PRR13: variants seen among roughly 807,000 people sequenced by gnomAD.
The protein encoded by PRR13 is proline rich 13, also known as proline-rich protein 13.
PRR13 carries 7 observed loss-of-function variants against 11.5 expected under a neutral mutation model. The observed-to-expected ratio is 0.61, with a 90% CI of 0.34 to 1.14. The LOEUF (loss-of-function observed/expected upper bound fraction) is 1.14, where lower values mean the gene tolerates loss of function less well. PRR13 is among the 50% of genes most tolerant of loss of function. PRR13 has a pLI of 0.03. For synonymous variants in PRR13, 53 were observed against 67.8 expected (o/e 0.78, Z 1.07); for missense variants, 155 against 194.4 (o/e 0.80, Z 1.21).
chr12:53,442,592 A>T, intron 1 of PRR13, 103 bp from the exon 2 acceptor site: 1 of 966,130 alleles, frequency 1.0e-6, no homozygotes, highest in Non-Finnish European at 1.7e-6. Flanking sequence ...TCCAGGTAGG[A>T]GAGCCTACTG....
chr12:53,443,561 C>T lies in PRR13; in HGVS notation c.190C>T (p.Pro64Ser). The change falls in exon 3 of 4, where the codon CCA becomes TCA. Residue 64 changes from proline (P) to serine (S), a missense_variant. By Grantham distance (74) the Pro-to-Ser change is moderately conservative. Coordinates refer to ENST00000429243, the MANE Select transcript of PRR13 (RefSeq NM_018457.4). ...FPPGGPPHPV[P>S]QPGYPGCQPL... ...CCCAGGTGGGCCCCCTCATCCTGTG[C>T]CACAGCCAGGGTATCCAGGATGCCA... 1 of 1,598,260 alleles carries T rather than the reference C, an allele frequency of 6.3e-7. No individual in the cohort carries two copies. The highest frequency in any genetic ancestry group is 8.5e-7 in the Non-Finnish European group (1 of 1,171,030).
chr12:53,446,112 A>G lies in PRR13; in HGVS notation c.*53A>G, dbSNP rs1389495778. The G allele has an allele frequency of 1.1e-5, 17 of 1,610,196 alleles. No individual in the cohort carries two copies. The highest frequency in any genetic ancestry group is 1.1e-5 in the Non-Finnish European group (13 of 1,179,880). ...TCTCACCAGTTCTGCTCTCCCATCA[A>G]GCTTCAGATGCCATGTTGTACTGGG... On this transcript the variant is annotated 3_prime_UTR_variant, in exon 4 of 4. Transcript: ENST00000429243.
intron 3 of PRR13, among the ~76,000 whole-genome samples, chr12:53,444,431 G>A (rs1045658672): frequency 1.3e-5 from 2 of 150,092 alleles, no homozygotes; most frequent in African/African-American, 2.5e-5. Flanking sequence ...CCAGGTTCAC[G>A]CCATTCTCCT....
chr12:53,444,544 T>C (rs1478749571), intron 3 of PRR13, among the ~76,000 whole-genome samples: 1 of 152,214 alleles, frequency 6.6e-6, no homozygotes, highest in Admixed American at 6.5e-5. Flanking sequence ...TTAGCCAAGA[T>C]GGTCTCGATC....
chr12:53,442,779 G>A, intron 2 of PRR13, 46 bp downstream of exon 2: 1 of 1,575,864 alleles, frequency 6.3e-7, no homozygotes, highest in South Asian at 1.1e-5. Context: ...TTTTTCTGAT[G>A]GGCTCTATAA....
chr12:53,446,299 A>G lies in PRR13; in HGVS notation c.*240A>G, dbSNP rs1469619749. 5 of 493,862 alleles carry G rather than the reference A, an allele frequency of 1.0e-5. No individual in the cohort carries two copies. Among genetic ancestry groups the G allele is most frequent in the East Asian group, 7.1e-5 (2 of 28,202 alleles). The allele number at this position is 493,862 out of a possible 1,614,324, so 30.6% of individuals were successfully genotyped here. ...AGCTAATGAATTAGGCAGGGGAGCT[A>G]TTTTTTGAAGATGATGAACTAAATG... On this transcript the variant is annotated 3_prime_UTR_variant, in exon 4 of 4. Coordinates refer to ENST00000429243, the MANE Select transcript of PRR13 (RefSeq NM_018457.4).
intron 1 of PRR13, 112 bp downstream of exon 1, chr12:53,441,904 A>AG: frequency 2.9e-6 from 2 of 693,346 alleles, no homozygotes; most frequent in Non-Finnish European, 5.2e-6. Context: ...TTTTGGAGGA[A>AG]GGGGGCTGTG....
chr12:53,445,718 C>T (rs886767279), intron 3 of PRR13, among the ~76,000 whole-genome samples: 1 of 152,200 alleles, frequency 6.6e-6, no homozygotes, highest in Non-Finnish European at 1.5e-5. Flanking sequence ...TAATTTATTC[C>T]TTGCCTAGGC....
intron 3 of PRR13, chr12:53,444,038 G>C: frequency 3.9e-6 from 2 of 509,940 alleles, no homozygotes; most frequent in Non-Finnish European, 6.8e-6. Flanking sequence ...AATCTTTTCT[G>C]CCCTACTCTC....
intron 2 of PRR13, chr12:53,443,048 G>A (rs1940326460): frequency 2.7e-6 from 1 of 367,410 alleles, no homozygotes; most frequent in African/African-American, 2.1e-5. Flanking sequence ...GTAGAGATGG[G>A]GGTTTCACAA....
chr12:53,442,351 T>C, intron 1 of PRR13: 1 of 253,816 alleles, frequency 3.9e-6, no homozygotes, highest in Non-Finnish European at 7.7e-6. Flanking sequence ...TTCAAGCAAT[T>C]TTCCTGACTC....
chr12:53,443,796 C>T (rs1405226267), intron 3 of PRR13, 23 bp downstream of exon 3: 3 of 1,575,934 alleles, frequency 1.9e-6, no homozygotes, highest in Non-Finnish European at 8.6e-7. Context: ...TGGAGACTGG[C>T]TAGGGAAGGA....
intron 3 of PRR13, chr12:53,444,033 T>C (rs1292579958): frequency 1.9e-5 from 10 of 517,366 alleles, no homozygotes; most frequent in Admixed American, 3.4e-5. Flanking sequence ...AGCCAAATCT[T>C]TTCTGCCCTA....
rs533073173 is a variant in PRR13 at position 53,442,093 on chromosome 12, G to T, written c.-21+301G>T. 45 of 467,306 alleles carry T rather than the reference G, an allele frequency of 9.6e-5. No homozygotes were observed. In the South Asian group the frequency reaches 1.4e-3, roughly 14 times the overall value. 28.9% of individuals were successfully genotyped at this position (467,306 alleles called of 1,614,324 possible). On this transcript the variant is annotated intron_variant, in intron 1 of 3. Coordinates refer to ENST00000429243, the MANE Select transcript of PRR13 (RefSeq NM_018457.4). ...TACTCAGTTCCAGGGAAAGGGAGAT[G>T]AGTGATGGTGGGGCCGAGACTCGCG...
intron 2 of PRR13, chr12:53,443,168 T>G: frequency 2.1e-6 from 1 of 484,056 alleles, no homozygotes; most frequent in East Asian, 3.3e-5. Context: ...GACCAGTGCT[T>G]TTGTCTTCCT....
intron 3 of PRR13, among the ~76,000 whole-genome samples, chr12:53,444,961 C>A (rs957996838): frequency 2.6e-5 from 4 of 152,144 alleles, no homozygotes; most frequent in African/African-American, 9.7e-5. Flanking sequence ...AAGGATTAAA[C>A]CAATCTGCAT....
Position 53,444,553 on chromosome 12 carries a change from T to C in PRR13, c.402+780T>C, listed in dbSNP as rs542754682. On this transcript the variant is annotated intron_variant, in intron 3 of 3. Coordinates refer to ENST00000429243, the MANE Select transcript of PRR13 (RefSeq NM_018457.4). ...ACCGTGTTAGCCAAGATGGTCTCGA[T>C]CTCCTGACCTTGTGATCCGCCCGCC... is the stretch of plus-strand genomic sequence containing the variant. Among the ~76,000 whole-genome samples, 8 of 152,280 alleles carry C rather than the reference T, an allele frequency of 5.3e-5. No homozygotes were observed. In the East Asian group the frequency reaches 1.5e-3, roughly 29 times the overall value.
At chr12:53,443,996 A>T (rs1445310410) in intron 3 of PRR13, 2 of 630,800 alleles carry the variant, frequency 3.2e-6, no homozygotes, top group East Asian at 5.6e-5. Flanking sequence ...AGTTAGGGTG[A>T]GCCTTAGAAT....
At chr12:53,443,300 G>C (rs979622072) in intron 2 of PRR13, 91 bp from the exon 3 acceptor site, 2 of 1,233,304 alleles carry the variant, frequency 1.6e-6, no homozygotes, top group Admixed American at 7.0e-5. Context: ...TTCCCTTTAA[G>C]TATTGAGTGA....
Sources: allele counts gnomAD v4.1 joint callset (sites outside exome capture counted in the v4.1 genomes callset), GRCh38; gene constraint gnomAD v4.1.1; transcripts MANE v1.5; gene names NCBI Gene and HGNC (gene_info 2026-07-23, HGNC 2026-07-21).